The following GALNS variants were observed in gnomAD, a reference collection of about 807,000 sequenced individuals.
GALNS encodes the protein N-acetylgalactosamine-6-sulfatase.
GALNS carries 65 observed loss-of-function variants against 65.9 expected under a neutral mutation model. The ratio of observed to expected loss-of-function variants is 0.99; its 90% CI spans 0.81 to 1.21. The LOEUF (loss-of-function observed/expected upper bound fraction) is 1.21, where lower values mean the gene tolerates loss of function less well. GALNS is among the 50% of genes most tolerant of loss of function. GALNS has a pLI of 0.00. For synonymous variants in GALNS, 346 were observed against 288.9 expected, an observed-to-expected ratio of 1.20 and a Z score of -2.00; for missense variants, 776 against 700.7, an observed-to-expected ratio of 1.11 and a Z score of -1.21.
intron 8 of GALNS, 74 bp downstream of exon 8, chr16:88,835,139 C>A (rs1911976610): frequency 1.9e-6 from 3 of 1,542,066 alleles, no homozygotes. Flanking sequence ...ACCCCGTGGG[C>A]ACAGCCGGTC....
intron 12 of GALNS, among the ~76,000 whole-genome samples, chr16:88,821,249 C>G (rs1486851980): frequency 6.6e-6 from 1 of 152,228 alleles, no homozygotes; most frequent in Non-Finnish European, 1.5e-5. Flanking sequence ...CCTGCCTCTT[C>G]CAGCTCCAGT....
Position 88,856,930 on chromosome 16 carries a change from C to A in GALNS, c.-53G>T. On this transcript the variant is annotated 5_prime_UTR_variant, in exon 1 of 14. Transcript: ENST00000268695. ...GCCAGCGAGCCGACCTAGCGAGCGT[C>A]CGCCGGCCCTTCCGGCTGGGCTGCG... is the stretch of plus-strand genomic sequence containing the variant. The A allele has an allele frequency of 6.8e-7, 1 of 1,471,982 alleles. No homozygotes were observed. The highest frequency in any genetic ancestry group is 8.9e-7 in the Non-Finnish European group (1 of 1,120,196). The allele number at this position is 1,471,982 out of a possible 1,614,324, so 91.2% of individuals were successfully genotyped here.
At chr16:88,850,422 A>G (rs1309640849) in intron 1 of GALNS, among the ~76,000 whole-genome samples, 1 of 152,134 alleles carries the variant, frequency 6.6e-6, no homozygotes, top group Non-Finnish European at 1.5e-5. Context: ...CCAGGCCACA[A>G]ATAACATGAA....
chr16:88,829,145 C>T (rs549132550), intron 9 of GALNS, among the ~76,000 whole-genome samples: 4 of 151,230 alleles, frequency 2.6e-5, no homozygotes, highest in African/African-American at 7.3e-5. Context: ...ACGCGGGTCC[C>T]GAGTCTCATG....
intron 1 of GALNS, among the ~76,000 whole-genome samples, chr16:88,848,916 T>A (rs944042245): frequency 2.0e-5 from 3 of 152,160 alleles, no homozygotes; most frequent in Admixed American, 2.0e-4. Context: ...GATGCAATGA[T>A]CCATTTCCCC....
Position 88,813,807 on chromosome 16 carries a change from A to G in GALNS, c.*632T>C, listed in dbSNP as rs1255815237. On this transcript the variant is annotated 3_prime_UTR_variant, in exon 14 of 14. Coordinates refer to ENST00000268695, the MANE Select transcript of GALNS (RefSeq NM_000512.5). Reference sequence around the variant, plus strand: ...CATAGTTACAATGATAAGAAGCTACACGCCTCCCTCATAATTAGCGTCCAG... The same window carrying G: ...CATAGTTACAATGATAAGAAGCTACGCGCCTCCCTCATAATTAGCGTCCAG... 1 of 155,456 alleles carries G rather than the reference A, an allele frequency of 6.4e-6. No individual in the cohort carries two copies. The highest frequency in any genetic ancestry group is 2.4e-5 in the African/African-American group (1 of 41,464). 9.6% of individuals were successfully genotyped at this position (155,456 alleles called of 1,614,324 possible). A position where few individuals can be genotyped will look rare whatever the true frequency, so the allele number is the denominator to read the frequency against.
chr16:88,841,811 G>A (rs144813532), intron 3 of GALNS, 86 bp downstream of exon 3: 12,968 of 1,229,746 alleles, frequency 0.011, 195 homozygotes, highest in South Asian at 0.045. Context: ...CTTGCCACCC[G>A]AGTCCCGGAG....
At chr16:88,825,122 G>GCAC (rs1910693564) in intron 10 of GALNS, among the ~76,000 whole-genome samples, 1 of 129,572 alleles carries the variant, frequency 7.7e-6, no homozygotes, top group Admixed American at 7.9e-5. Context: ...GGTGTCTGGG[G>GCAC]CTGGGGTGTC....
intron 4 of GALNS, chr16:88,840,582 G>A: frequency 2.9e-6 from 1 of 340,998 alleles, no homozygotes; most frequent in Non-Finnish European, 5.7e-6. Flanking sequence ...GTTTAGACCA[G>A]AGCTTTCACC....
Position 88,837,618 on chromosome 16 carries a change from T to C in GALNS, c.566+4A>G. 1.2e-6 allele frequency: 2 copies of C among 1,612,572 alleles called. No individual in the cohort carries two copies. ...TGGGAGGGGAAGGGGTGGGGCTCCA[T>C]TACCTGCCAACCATCTCCCAGTCCC... On this transcript the variant is annotated splice_donor_region_variant and intron_variant, in intron 5 of 13. Transcript: ENST00000268695.
intron 13 of GALNS, among the ~76,000 whole-genome samples, 156 bp downstream of exon 13, chr16:88,817,851 C>T (rs1239096642): frequency 6.6e-6 from 1 of 152,216 alleles, no homozygotes; most frequent in Non-Finnish European, 1.5e-5. Flanking sequence ...ATCCCGGACG[C>T]CGCCGCGTGT....
rs567752113 is a variant in GALNS at position 88,851,458 on chromosome 16, G to A, written c.120+5300C>T. ...CAGCGTGATTGACGCAGAAGACGGCGATTTCTGCATTTCCAACTGAGGTGC... is the reference window on the plus strand; with the variant it reads ...CAGCGTGATTGACGCAGAAGACGGCAATTTCTGCATTTCCAACTGAGGTGC... On this transcript the variant is annotated intron_variant, in intron 1 of 13. Coordinates refer to ENST00000268695, the MANE Select transcript of GALNS (RefSeq NM_000512.5). Among the ~76,000 whole-genome samples the A allele has an allele frequency of 3.3e-5, 5 of 152,174 alleles. No homozygotes were observed. The East Asian group carries it at 5.8e-4, about 18-fold the overall frequency.
chr16:88,851,528 T>C (rs1009032582), intron 1 of GALNS, among the ~76,000 whole-genome samples: 2 of 152,064 alleles, frequency 1.3e-5, no homozygotes, highest in Non-Finnish European at 2.9e-5. Context: ...GTGCAGCCCA[T>C]GGAGGGTGAG....
intron 1 of GALNS, among the ~76,000 whole-genome samples, chr16:88,846,315 G>A (rs984641701): frequency 1.3e-5 from 2 of 151,892 alleles, no homozygotes; most frequent in Admixed American, 1.3e-4. Context: ...GTCCTTATAG[G>A]AGACAGGGCG....
chr16:88,837,942 G>C (rs979610832), intron 4 of GALNS, 177 bp from the exon 5 acceptor site: 3 of 647,048 alleles, frequency 4.6e-6, no homozygotes, highest in Non-Finnish European at 8.1e-6. Context: ...CCCGAGGAGG[G>C]TGCTGGCACT....
intron 13 of GALNS, chr16:88,816,510 G>A (rs1909637988): frequency 4.1e-6 from 4 of 984,166 alleles, no homozygotes. Context: ...AAACTTGCCA[G>A]GCACCCCCGC....
chr16:88,817,951 G>C, intron 13 of GALNS, 56 bp downstream of exon 13: 1 of 1,401,928 alleles, frequency 7.1e-7, no homozygotes, highest in South Asian at 1.2e-5. Flanking sequence ...CCTGGGCCCC[G>C]GGTGGGTGGC....
intron 1 of GALNS, among the ~76,000 whole-genome samples, chr16:88,850,098 G>A (rs1291768846): frequency 2.6e-5 from 4 of 152,232 alleles, no homozygotes; most frequent in Non-Finnish European, 5.9e-5. Flanking sequence ...GGTGGCTTCT[G>A]CACTTCCTGC....
chr16:88,851,722 C>A (rs1236265962), intron 1 of GALNS, among the ~76,000 whole-genome samples: 3 of 152,150 alleles, frequency 2.0e-5, no homozygotes, highest in African/African-American at 7.2e-5. Flanking sequence ...GGGCCTGGCT[C>A]GGAGGGTCTC....
Sources: gnomAD v4.1 joint callset for allele counts (sites outside exome capture counted in the v4.1 genomes callset) on GRCh38, gnomAD v4.1.1 for gene constraint, MANE v1.5 for transcripts, NCBI Gene and HGNC (gene_info 2026-07-23, HGNC 2026-07-21) for gene names.